Variants in MAPK1IP1L observed in about 807,000 individuals in gnomAD.
The protein encoded by MAPK1IP1L is MAPK-interacting and spindle-stabilizing protein-like.
Under a neutral mutation model 18.1 loss-of-function variants are expected in MAPK1IP1L, and 10 were observed. The observed-to-expected ratio is 0.55, with a 90% CI of 0.34 to 0.94. The LOEUF is 0.94. Ranked by LOEUF, MAPK1IP1L falls within the 40% of genes least tolerant of loss-of-function variation. The pLI is 0.02. For synonymous variants in MAPK1IP1L, 115 were observed against 117.3 expected, an observed-to-expected ratio of 0.98 and a Z score of 0.13; for missense variants, 260 against 318.2, an observed-to-expected ratio of 0.82 and a Z score of 1.39.
At chr14:55,052,473 C>T (rs1284791332) in intron 1 of MAPK1IP1L, among the ~76,000 whole-genome samples, 1 of 152,112 alleles carries the variant, frequency 6.6e-6, no homozygotes, top group Non-Finnish European at 1.5e-5. Flanking sequence ...GGAGCACATA[C>T]CTGCGATAGC....
intron 1 of MAPK1IP1L, among the ~76,000 whole-genome samples, chr14:55,052,116 G>T (rs868660502): frequency 6.7e-6 from 1 of 148,756 alleles, no homozygotes; most frequent in Non-Finnish European, 1.5e-5. Context: ...GCGCGGGCCG[G>T]CCCCTCCCCC....
At position 55,063,192 on chromosome 14, in the gene MAPK1IP1L, C is replaced by T. The variant is rs141212085; in HGVS notation, c.593C>T (p.Ala198Val). ...PVPWGTVPPG[A>V]WGPPAPYPAP... ...CCATGGGGCACCGTTCCACCAGGAG[C>T]CTGGGGACCACCAGCACCATATCCT... is the stretch of plus-strand genomic sequence containing the variant. Residue 198 changes from alanine to valine, a missense_variant, in exon 3 of 4, where the codon GCC becomes GTC. By Grantham distance (64) the Ala-to-Val change is moderately conservative (BLOSUM62 0). Coordinates refer to ENST00000395468, the MANE Select transcript of MAPK1IP1L (RefSeq NM_144578.4). 2 of 1,614,100 alleles carry T rather than the reference C, an allele frequency of 1.2e-6. No homozygotes were observed. Among genetic ancestry groups the T allele is most frequent in the African/African-American group, 2.7e-5 (2 of 74,928 alleles).
intron 1 of MAPK1IP1L, among the ~76,000 whole-genome samples, chr14:55,052,359 C>G (rs1394800010): frequency 6.6e-6 from 1 of 152,162 alleles, no homozygotes; most frequent in African/African-American, 2.4e-5. Context: ...TGACAACGTT[C>G]TGGTTATGAC....
At chr14:55,058,621 A>G (rs2042789722) in intron 1 of MAPK1IP1L, among the ~76,000 whole-genome samples, 1 of 152,152 alleles carries the variant, frequency 6.6e-6, no homozygotes, top group Non-Finnish European at 1.5e-5. Flanking sequence ...ACGTGAGGCC[A>G]GGAGTTCAAG....
At chr14:55,055,241 A>G (rs1354040533) in intron 1 of MAPK1IP1L, among the ~76,000 whole-genome samples, 2 of 152,228 alleles carry the variant, frequency 1.3e-5, no homozygotes, top group Non-Finnish European at 2.9e-5. Context: ...AGCTGGGATT[A>G]CAGGTGCACA....
At chr14:55,053,149 T>C (rs2042743587) in intron 1 of MAPK1IP1L, among the ~76,000 whole-genome samples, 1 of 152,226 alleles carries the variant, frequency 6.6e-6, no homozygotes, top group Non-Finnish European at 1.5e-5. Context: ...AAAGTAGGCA[T>C]CATAAAAGCT....
intron 1 of MAPK1IP1L, among the ~76,000 whole-genome samples, chr14:55,061,166 G>A (rs559580738): frequency 5.8e-4 from 88 of 152,098 alleles, no homozygotes; most frequent in Non-Finnish European, 1.0e-3. Context: ...AAAAAAAGAC[G>A]AGGAAATGTA....
chr14:55,055,593 G>T (rs1271199429), intron 1 of MAPK1IP1L, among the ~76,000 whole-genome samples: 1 of 152,108 alleles, frequency 6.6e-6, no homozygotes, highest in Non-Finnish European at 1.5e-5. Flanking sequence ...GCAGGAGGGG[G>T]CAAACTTTCA....
chr14:55,066,204 CAAG>C lies in MAPK1IP1L; in HGVS notation c.*1580_*1582del, dbSNP rs1188799551. 2.0e-5 allele frequency: 3 copies of C among 152,240 alleles called. No homozygotes were observed. Among genetic ancestry groups the C allele is most frequent in the Admixed American group, 2.0e-4 (3 of 15,292 alleles). The allele number at this position is 152,240 out of a possible 1,614,324, so 9.4% of individuals were successfully genotyped here. A position where few individuals can be genotyped will look rare whatever the true frequency, so the allele number is the denominator to read the frequency against. ...TTTATTTCTGCTCTAATTAAAATGT[CAAG>C]AATGCCAAATGCTGCCAGTTTTTTG... On this transcript the variant is annotated 3_prime_UTR_variant, in exon 4 of 4. Coordinates refer to ENST00000395468, the MANE Select transcript of MAPK1IP1L (RefSeq NM_144578.4).
At position 55,066,933 on chromosome 14, in the gene MAPK1IP1L, T is replaced by G. The variant is rs2042866900; in HGVS notation, c.*2306T>G. 1 of 152,106 alleles carries G rather than the reference T, an allele frequency of 6.6e-6. No homozygotes were observed. The highest frequency in any genetic ancestry group is 2.4e-5 in the African/African-American group (1 of 41,338). 9.4% of individuals were successfully genotyped at this position (152,106 alleles called of 1,614,324 possible). A position where few individuals can be genotyped will look rare whatever the true frequency, so the allele number is the denominator to read the frequency against. ...TTTTTTTTGAGACGGAGTCTCGCTC[T>G]GTCGCCCATGCTGGAGTGCAGTGGT... On this transcript the variant is annotated 3_prime_UTR_variant, in exon 4 of 4. Transcript: ENST00000395468.
At chr14:55,054,754 G>A (rs1437985398) in intron 1 of MAPK1IP1L, among the ~76,000 whole-genome samples, 2 of 152,026 alleles carry the variant, frequency 1.3e-5, no homozygotes, top group African/African-American at 4.8e-5. Flanking sequence ...AAATATCCAT[G>A]AACTCCACTG....
chr14:55,063,847 G>C (rs2042839577), intron 3 of MAPK1IP1L: 1 of 152,584 alleles, frequency 6.6e-6, no homozygotes. Flanking sequence ...ATGCTTTACT[G>C]TCAGACAACC....
intron 1 of MAPK1IP1L, among the ~76,000 whole-genome samples, chr14:55,056,857 T>C (rs2042776449): frequency 6.6e-6 from 1 of 152,160 alleles, no homozygotes; most frequent in South Asian, 2.1e-4. Flanking sequence ...TGGGATAGGC[T>C]TGGGTTCTTG....
Position 55,063,345 on chromosome 14 carries a change from T to A in MAPK1IP1L, c.726+20T>A, listed in dbSNP as rs1336620799. 6.4e-7 allele frequency: 1 copy of A among 1,569,676 alleles called. No individual in the cohort carries two copies. On this transcript the variant is annotated intron_variant, in intron 3 of 3. Transcript: ENST00000395468. ...CCCCATGTGAGTGTTCAATTTGTTATTTAAAGTGTACTAATTGTACATAGC... is the reference window on the plus strand; with the variant it reads ...CCCCATGTGAGTGTTCAATTTGTTAATTAAAGTGTACTAATTGTACATAGC...
Position 55,067,074 on chromosome 14 carries a change from T to A in MAPK1IP1L, c.*2447T>A, listed in dbSNP as rs1191930926. The A allele has an allele frequency of 2.0e-5, 3 of 150,114 alleles. No individual in the cohort carries two copies. Among genetic ancestry groups the A allele is most frequent in the African/African-American group, 7.3e-5 (3 of 40,892 alleles). The allele number at this position is 150,114 out of a possible 1,614,324, so 9.3% of individuals were successfully genotyped here. A position where few individuals can be genotyped will look rare whatever the true frequency, so the allele number is the denominator to read the frequency against. Reference sequence around the variant, plus strand: ...CACCATGCCCGGCTAATTTTTTTTTTTTTTTTTTTTTAGTAGAGATGGGGT... The same window carrying A: ...CACCATGCCCGGCTAATTTTTTTTTATTTTTTTTTTTAGTAGAGATGGGGT... On this transcript the variant is annotated 3_prime_UTR_variant, in exon 4 of 4. Coordinates refer to ENST00000395468, the MANE Select transcript of MAPK1IP1L (RefSeq NM_144578.4).
At position 55,051,708 on chromosome 14, in the gene MAPK1IP1L, A is replaced by G. The variant is rs776678062; in HGVS notation, c.-100A>G. The stretch of plus-strand genomic sequence containing the variant: ...CTGGTGCTGTTGCCGCCGCTGCTCT[A>G]GCTGCCGTCAGTCAGGCTGCGCCCG... On this transcript the variant is annotated 5_prime_UTR_variant, in exon 1 of 4. Coordinates refer to ENST00000395468, the MANE Select transcript of MAPK1IP1L (RefSeq NM_144578.4). 4 of 516,214 alleles carry G rather than the reference A, an allele frequency of 7.7e-6. No individual in the cohort carries two copies. In the Admixed American group the frequency reaches 7.8e-5, roughly 10 times the overall value. 32.0% of individuals were successfully genotyped at this position (516,214 alleles called of 1,614,324 possible).
At chr14:55,058,954 G>A (rs1045250057) in intron 1 of MAPK1IP1L, among the ~76,000 whole-genome samples, 2 of 151,730 alleles carry the variant, frequency 1.3e-5, no homozygotes, top group African/African-American at 4.8e-5. Flanking sequence ...TATACGGGAA[G>A]ATGTGCATAG....
chr14:55,064,273 C>T (rs1230423386), intron 3 of MAPK1IP1L, among the ~76,000 whole-genome samples: 1 of 151,276 alleles, frequency 6.6e-6, no homozygotes, highest in Admixed American at 6.6e-5. Flanking sequence ...GGATTACAGG[C>T]CTGAGCCACC....
chr14:55,064,033 T>TTTTTTTTTTTTTTG (rs1348655243), intron 3 of MAPK1IP1L: 21 of 111,292 alleles, frequency 1.9e-4, no homozygotes, highest in African/African-American at 8.6e-4. Context: ...TTTTTTTTTT[T>TTTTTTTTTTTTTTG]GAGACAGTCT....
Sources: gnomAD v4.1 joint callset for allele counts (sites outside exome capture counted in the v4.1 genomes callset) on GRCh38, gnomAD v4.1.1 for gene constraint, MANE v1.5 for transcripts, NCBI Gene and HGNC (gene_info 2026-07-23, HGNC 2026-07-21) for gene names.